The following ZRANB3 variants were observed in gnomAD, a reference collection of about 807,000 sequenced individuals.
The protein encoded by ZRANB3 is zinc finger RANBP2-type containing 3.
A neutral mutation model predicts 133.8 loss-of-function variants in ZRANB3; 125 were observed. The observed-to-expected ratio is 0.93, with a 90% CI of 0.81 to 1.08. The LOEUF is 1.08. Among genes scored for constraint, ZRANB3 ranks in the 50% least tolerant of loss-of-function variants. ZRANB3 has a pLI of 0.00. For missense variants in ZRANB3, 1,229 were observed against 1,275.5 expected, an observed-to-expected ratio of 0.96 and a Z score of 0.56; for synonymous variants, 387 against 432.7, an observed-to-expected ratio of 0.89 and a Z score of 1.31.
chr2:135,455,205 T>TTTTTTTTA (rs1690454030), intron 2 of ZRANB3, among the ~76,000 whole-genome samples: 1 of 116,632 alleles, frequency 8.6e-6, no homozygotes, highest in African/African-American at 4.5e-5. Flanking sequence ...TTTTTTTTTT[T>TTTTTTTTA]GAGACGGAGT....
chr2:135,410,831 T>A (rs1372387930), intron 2 of ZRANB3, among the ~76,000 whole-genome samples: 1 of 152,044 alleles, frequency 6.6e-6, no homozygotes, highest in Non-Finnish European at 1.5e-5. Context: ...TCAAAAGACA[T>A]ACAAGTTGCC....
At chr2:135,408,543 C>T (rs534312689) in intron 2 of ZRANB3, among the ~76,000 whole-genome samples, 217 of 152,242 alleles carry the variant, frequency 1.4e-3, no homozygotes, top group East Asian at 7.7e-3. Flanking sequence ...TATTGCGGCA[C>T]TATTCACAAT....
intron 8 of ZRANB3, among the ~76,000 whole-genome samples, chr2:135,299,393 T>C (rs930667126): frequency 2.0e-5 from 3 of 152,202 alleles, no homozygotes; most frequent in Non-Finnish European, 4.4e-5. Flanking sequence ...AGGCAGCTCT[T>C]GCCCCAGGCT....
intron 8 of ZRANB3, among the ~76,000 whole-genome samples, chr2:135,283,464 G>T (rs1681192091): frequency 6.6e-6 from 1 of 151,938 alleles, no homozygotes; most frequent in Non-Finnish European, 1.5e-5. Flanking sequence ...AAAAAAACTA[G>T]CTGGGCGTGG....
intron 17 of ZRANB3, among the ~76,000 whole-genome samples, chr2:135,215,327 G>A (rs1694260314): frequency 6.6e-6 from 1 of 151,376 alleles, no homozygotes; most frequent in Non-Finnish European, 1.5e-5. Context: ...CACAATCATG[G>A]GTCACTGCAG....
intron 6 of ZRANB3, among the ~76,000 whole-genome samples, chr2:135,329,368 T>C (rs1558920862): frequency 6.6e-6 from 1 of 152,210 alleles, no homozygotes; most frequent in Non-Finnish European, 1.5e-5. Context: ...CAGATGGTTG[T>C]AGATGTGTGG....
At chr2:135,384,186 C>A (rs1254622299) in intron 3 of ZRANB3, among the ~76,000 whole-genome samples, 1 of 152,050 alleles carries the variant, frequency 6.6e-6, no homozygotes, top group Non-Finnish European at 1.5e-5. Context: ...CACAGAAATG[C>A]AAATTACCAA....
Position 135,200,395 on chromosome 2 carries a change from A to AT in ZRANB3, c.3186dup (p.Ser1063IlefsTer20). On this transcript the variant is annotated frameshift_variant, in exon 21 of 21. Transcript: ENST00000264159. LOFTEE classifies it high-confidence loss of function. ...TCTGATCCATGCTTTGATGCTAGAG[A>AT]TTGTCTTCTCACCTGGCTTCTTTCC... The AT allele has an allele frequency of 6.2e-7, 1 of 1,607,928 alleles. No individual in the cohort carries two copies. Among genetic ancestry groups the AT allele is most frequent in the Non-Finnish European group, 8.5e-7 (1 of 1,177,024 alleles).
chr2:135,390,768 T>C, intron 3 of ZRANB3, 34 bp downstream of exon 3: 1 of 1,554,972 alleles, frequency 6.4e-7, no homozygotes, highest in Non-Finnish European at 8.7e-7. Flanking sequence ...CTGTGTAATC[T>C]TATAAAAGAC....
chr2:135,275,564 G>T (rs1680768802), intron 9 of ZRANB3, 72 bp downstream of exon 9: 2 of 1,319,730 alleles, frequency 1.5e-6, no homozygotes, highest in Admixed American at 3.1e-5. Flanking sequence ...TCAACTATGA[G>T]ACTACAACTG....
At chr2:135,349,702 C>G (rs1003876918) in intron 5 of ZRANB3, among the ~76,000 whole-genome samples, 3 of 152,208 alleles carry the variant, frequency 2.0e-5, no homozygotes, top group African/African-American at 7.2e-5. Flanking sequence ...ACCTCAGGAA[C>G]ACATTATGAA....
chr2:135,474,276 A>C (rs1691404676), intron 2 of ZRANB3, among the ~76,000 whole-genome samples: 1 of 152,176 alleles, frequency 6.6e-6, no homozygotes, highest in African/African-American at 2.4e-5. Context: ...TTAGTAAATA[A>C]TATAAATTCA....
At chr2:135,200,699 T>C (rs1331786906) in intron 20 of ZRANB3, among the ~76,000 whole-genome samples, 1 of 151,178 alleles carries the variant, frequency 6.6e-6, no homozygotes, top group African/African-American at 2.4e-5. Context: ...AGCAACAGCA[T>C]GAATTCCTCA....
intron 17 of ZRANB3, among the ~76,000 whole-genome samples, chr2:135,213,853 G>A (rs1375872709): frequency 6.6e-6 from 1 of 152,156 alleles, no homozygotes; most frequent in African/African-American, 2.4e-5. Flanking sequence ...AGATTACTGA[G>A]TGGGCCCAAT....
intron 2 of ZRANB3, among the ~76,000 whole-genome samples, chr2:135,481,935 G>A (rs1433941959): frequency 1.4e-5 from 2 of 139,996 alleles, no homozygotes; most frequent in Non-Finnish European, 3.0e-5. Context: ...TAGATATGCG[G>A]CGTTATTTCT....
intron 8 of ZRANB3, among the ~76,000 whole-genome samples, chr2:135,292,455 T>A (rs981899403): frequency 6.6e-6 from 1 of 152,214 alleles, no homozygotes; most frequent in Non-Finnish European, 1.5e-5. Context: ...TTGTTTTTTC[T>A]TGTAAATTTG....
chr2:135,443,224 G>C (rs1007104730), intron 2 of ZRANB3, among the ~76,000 whole-genome samples: 1 of 152,054 alleles, frequency 6.6e-6, no homozygotes, highest in Admixed American at 6.6e-5. Context: ...GTCCTTTACA[G>C]GGACATGGAA....
chr2:135,420,626 G>A (rs1335758044), intron 2 of ZRANB3, among the ~76,000 whole-genome samples: 1 of 152,116 alleles, frequency 6.6e-6, no homozygotes, highest in Non-Finnish European at 1.5e-5. Flanking sequence ...CATGGTAATT[G>A]ATAAAGTAGA....
At chr2:135,228,285 C>A (rs1573711739) in intron 13 of ZRANB3, 11 of 219,768 alleles carry the variant, frequency 5.0e-5, no homozygotes, top group Admixed American at 1.1e-4. Flanking sequence ...AGTATATTTT[C>A]AGATAAAGAG....
Sources: allele counts gnomAD v4.1 joint callset (sites outside exome capture counted in the v4.1 genomes callset), GRCh38; gene constraint gnomAD v4.1.1; transcripts MANE v1.5; gene names NCBI Gene and HGNC (gene_info 2026-07-23, HGNC 2026-07-21).